The following ADGRE3 variants were observed in gnomAD, a reference collection of about 807,000 sequenced individuals.
The protein encoded by ADGRE3 is EGF-like module receptor 3.
A neutral mutation model predicts 80.1 loss-of-function variants in ADGRE3; 88 were observed. The ratio of observed to expected loss-of-function variants is 1.10; its 90% CI spans 0.93 to 1.31. The LOEUF is 1.31. Ranked by LOEUF, ADGRE3 falls within the 40% of genes most tolerant of loss-of-function variation. ADGRE3 has a pLI of 0.00. For synonymous variants in ADGRE3, 281 were observed against 294.8 expected (o/e 0.95, Z 0.48); for missense variants, 715 against 776.5 (o/e 0.92, Z 0.94).
Position 14,647,371 on chromosome 19 carries a change from G to A in ADGRE3, c.698-6C>T, listed in dbSNP as rs759998062. Reference sequence around the variant, plus strand: ...AAAGGCAATGGCACTGGGACCTGAGGAAACAGAAAGATGGAATCTTTTTTC... The same window carrying A: ...AAAGGCAATGGCACTGGGACCTGAGAAAACAGAAAGATGGAATCTTTTTTC... On this transcript the variant is annotated splice_polypyrimidine_tract_variant and splice_region_variant and intron_variant, in intron 7 of 15. Transcript: ENST00000253673. The A allele has an allele frequency of 1.9e-6, 3 of 1,548,080 alleles. No homozygotes were observed. In the South Asian group the frequency reaches 3.5e-5, roughly 18 times the overall value.
At chr19:14,601,459 A>G in the ADGRE3 span, among the ~76,000 whole-genome samples, 3 of 152,212 alleles carry the variant, frequency 2.0e-5, no homozygotes, top group Non-Finnish European at 4.4e-5. Context: ...TGTACACAAT[A>G]TGTATCATCT....
At chr19:14,648,574 A>G (rs1483745259) in intron 7 of ADGRE3, among the ~76,000 whole-genome samples, 1 of 152,136 alleles carries the variant, frequency 6.6e-6, no homozygotes, top group African/African-American at 2.4e-5. Flanking sequence ...TTCATTTTAC[A>G]TGTCCACTTG....
intron 5 of ADGRE3, among the ~76,000 whole-genome samples, chr19:14,655,898 G>A (rs556265403): frequency 2.6e-5 from 4 of 152,170 alleles, no homozygotes; most frequent in South Asian, 2.1e-4. Context: ...AGACATTTTC[G>A]GTTGTCACTG....
chr19:14,636,397 G>A (rs1971089859), intron 11 of ADGRE3, among the ~76,000 whole-genome samples: 1 of 150,926 alleles, frequency 6.6e-6, no homozygotes, highest in Admixed American at 6.7e-5. Flanking sequence ...TAGTAGAGAT[G>A]GGTTTTCACA....
Position 14,674,736 on chromosome 19 carries a change from T to A in ADGRE3, c.25+10A>T, listed in dbSNP as rs1435545378. 9 of 1,613,534 alleles carry A rather than the reference T, an allele frequency of 5.6e-6. No homozygotes were observed. Among genetic ancestry groups the A allele is most frequent in the Non-Finnish European group, 6.8e-6 (8 of 1,179,762 alleles). Reference sequence around the variant, plus strand: ...GGTTAAGCCTCAGTCATTGTTACAGTCACACATACCTGGAAGAAGCAATGG... The same window carrying A: ...GGTTAAGCCTCAGTCATTGTTACAGACACACATACCTGGAAGAAGCAATGG... On this transcript the variant is annotated intron_variant, in intron 1 of 15. Transcript: ENST00000253673.
At chr19:14,643,380 G>A (rs761181076) in intron 9 of ADGRE3, among the ~76,000 whole-genome samples, 12 of 151,960 alleles carry the variant, frequency 7.9e-5, no homozygotes, top group Non-Finnish European at 1.6e-4. Context: ...TCCTGACCTC[G>A]TGATCTGCCT....
the ADGRE3 span, among the ~76,000 whole-genome samples, chr19:14,612,410 AC>A: frequency 1.3e-5 from 2 of 152,012 alleles, no homozygotes; most frequent in Non-Finnish European, 2.9e-5. Context: ...ATCTCAGCTC[AC>A]TGCAACTTCC....
At chr19:14,650,629 A>ATCTCTCTTTCTC (rs1971571010) in intron 7 of ADGRE3, among the ~76,000 whole-genome samples, 1 of 24,910 alleles carries the variant, frequency 4.0e-5, no homozygotes, top group Admixed American at 4.0e-4. Flanking sequence ...CTCTGTCTCC[A>ATCTCTCTTTCTC]TCTCTCTCTC....
At chr19:14,656,949 G>A (rs1568494691) in intron 5 of ADGRE3, among the ~76,000 whole-genome samples, 3 of 152,160 alleles carry the variant, frequency 2.0e-5, no homozygotes, top group Admixed American at 2.0e-4. Flanking sequence ...AGGCTGGAGT[G>A]CAGTGACGTG....
intron 4 of ADGRE3, among the ~76,000 whole-genome samples, chr19:14,659,465 T>A (rs973940789): frequency 2.0e-5 from 3 of 152,146 alleles, no homozygotes; most frequent in African/African-American, 7.2e-5. Flanking sequence ...AACAGAAGCA[T>A]CAGTGTCTGG....
At chr19:14,634,751 A>G (rs1451532284) in intron 11 of ADGRE3, among the ~76,000 whole-genome samples, 1 of 152,208 alleles carries the variant, frequency 6.6e-6, no homozygotes, top group Non-Finnish European at 1.5e-5. Context: ...GAGAGATTGA[A>G]ATAGACACTT....
At chr19:14,669,549 C>T (rs1038716259) in intron 1 of ADGRE3, among the ~76,000 whole-genome samples, 10 of 151,926 alleles carry the variant, frequency 6.6e-5, no homozygotes, top group South Asian at 2.1e-4. Context: ...AGTGCAGTGG[C>T]GCGATCTTGG....
At position 14,665,978 on chromosome 19, in the gene ADGRE3, A is replaced by ATATATATATATATATATATG. The variant is rs1568500899; in HGVS notation, c.77-2439_77-2438insCATATATATATATATATATA. On this transcript the variant is annotated intron_variant, in intron 2 of 15. Transcript: ENST00000253673. The stretch of plus-strand genomic sequence containing the variant: ...TATATATATATATATATATATATAT[A>ATATATATATATATATATATG]GTGTTTTCTTTATCCACGTGTTGAT... 5.0e-4 allele frequency among the ~76,000 whole-genome samples: 64 copies of ATATATATATATATATATATG among 128,238 alleles called. 2 individuals are homozygous for ATATATATATATATATATATG. The highest frequency in any genetic ancestry group is 1.8e-3 in the African/African-American group (62 of 34,428). The allele number at this position is 128,238 out of a possible 152,430, so 84.1% of individuals were successfully genotyped here.
chr19:14,639,269 T>C (rs1971182817), intron 10 of ADGRE3, among the ~76,000 whole-genome samples: 1 of 152,206 alleles, frequency 6.6e-6, no homozygotes, highest in Non-Finnish European at 1.5e-5. Flanking sequence ...ATTATCCTGG[T>C]TTGGTCATTT....
At chr19:14,601,723 A>G in the ADGRE3 span, among the ~76,000 whole-genome samples, 2 of 152,096 alleles carry the variant, frequency 1.3e-5, no homozygotes, top group Non-Finnish European at 2.9e-5. Flanking sequence ...GGCTCAAGCA[A>G]TTCTTTCGCC....
At chr19:14,610,161 A>C in the ADGRE3 span, 2 of 1,590,358 alleles carry the variant, frequency 1.3e-6, no homozygotes, top group African/African-American at 2.7e-5. Flanking sequence ...CTACAAAACT[A>C]CGTATTGGAT....
intron 15 of ADGRE3, among the ~76,000 whole-genome samples, chr19:14,621,377 C>A (rs972150393): frequency 6.6e-6 from 1 of 151,890 alleles, no homozygotes; most frequent in Non-Finnish European, 1.5e-5. Context: ...ATCGCTTGAA[C>A]CCAGGAGGCA....
chr19:14,648,699 G>T (rs1312426976), intron 7 of ADGRE3, among the ~76,000 whole-genome samples: 1 of 152,080 alleles, frequency 6.6e-6, no homozygotes, highest in African/African-American at 2.4e-5. Context: ...CTATAATGTG[G>T]GTGGGCCTTA....
At chr19:14,610,190 C>T in the ADGRE3 span, 19 of 1,563,606 alleles carry the variant, frequency 1.2e-5, no homozygotes, top group East Asian at 4.7e-5. Context: ...GGAAATGTTC[C>T]TGTTGAAGCC....
Sources: allele counts gnomAD v4.1 joint callset (sites outside exome capture counted in the v4.1 genomes callset), GRCh38; gene constraint gnomAD v4.1.1; transcripts MANE v1.5; gene names NCBI Gene and HGNC (gene_info 2026-07-23, HGNC 2026-07-21).